The following SOX8 variants were observed in gnomAD, a reference collection of about 807,000 sequenced individuals.
The protein encoded by SOX8 is transcription factor SOX-8.
SOX8 carries 9 observed loss-of-function variants against 22.9 expected under a neutral mutation model. The observed-to-expected ratio is 0.39, with a 90% CI of 0.24 to 0.69. SOX8 has a LOEUF of 0.69. Ranked by LOEUF, SOX8 falls within the 30% of genes least tolerant of loss-of-function variation. The probability of loss-of-function intolerance (pLI) is 0.43; values close to 1 mark genes in which losing one functional copy is unlikely to be tolerated. For missense variants in SOX8, 734 were observed against 699.4 expected (o/e 1.05, Z -0.56); for synonymous variants, 416 against 330.6 (o/e 1.26, Z -2.80).
chr16:984,001 G>A (rs2073432404), intron 2 of SOX8, 41 bp downstream of exon 2: 6 of 1,433,936 alleles, frequency 4.2e-6, no homozygotes, highest in Non-Finnish European at 5.6e-6. Context: ...GTCCCTGTAT[G>A]GGAGGCAGCT....
chr16:985,883 C>A lies in SOX8; in HGVS notation c.*497C>A. ...GTCCGCAGACTGGGATGAGTCTACT[C>A]GAGCATCTCCGGGACCTGCCTGTCA... On this transcript the variant is annotated 3_prime_UTR_variant, in exon 3 of 3. Transcript: ENST00000293894. 6.4e-6 allele frequency: 1 copy of A among 156,674 alleles called. No homozygotes were observed. Among genetic ancestry groups the A allele is most frequent in the Non-Finnish European group, 1.4e-5 (1 of 71,212 alleles). The allele number at this position is 156,674 out of a possible 1,614,324, so 9.7% of individuals were successfully genotyped here.
In SOX8 at chr16:984,807, C is replaced by T. The variant is rs758307992; in HGVS notation, c.762C>T (p.Ser254=). 4 of 1,611,820 alleles carry T rather than the reference C, an allele frequency of 2.5e-6. No homozygotes were observed. Among genetic ancestry groups the T allele is most frequent in the South Asian group, 1.1e-5 (1 of 90,998 alleles). Residue 254 remains serine (S), a synonymous_variant, in exon 3 of 3, where the codon AGC becomes AGT. Coordinates refer to ENST00000293894, the MANE Select transcript of SOX8 (RefSeq NM_014587.5). Reference sequence around the variant, plus strand: ...TGGAGGGACGCCGGCCGGTGGACAGCGGGCGCCAGAACATCGACTTCAGCA... The same window carrying T: ...TGGAGGGACGCCGGCCGGTGGACAGTGGGCGCCAGAACATCGACTTCAGCA... The part of the protein sequence containing the change: ...LKLEGRRPVD[S]GRQNIDFSNV...
At position 981,966 on chromosome 16, in the gene SOX8, C is replaced by A. The variant is rs2073392584; in HGVS notation, c.44C>A (p.Pro15Gln). The change falls in exon 1 of 3, where the codon CCG becomes CAG. Residue 15 changes from proline (P) to glutamine (Q), a missense_variant. Around this residue, in one of 3 missense-constraint regions of SOX8, gnomAD observed 139 missense variants for 109.1 expected, o/e 1.27. Transcript: ENST00000293894. The part of the protein sequence containing the change: ...SEARSQPPCS[P>Q]SGTASSMSHV... Reference sequence around the variant, plus strand: ...GCCCGCTCCCAGCCGCCCTGCAGCCCGTCCGGCACCGCCAGCTCCATGTCG... The same window carrying A: ...GCCCGCTCCCAGCCGCCCTGCAGCCAGTCCGGCACCGCCAGCTCCATGTCG... 1 of 1,439,272 alleles carries A rather than the reference C, an allele frequency of 6.9e-7. No individual in the cohort carries two copies. The highest frequency in any genetic ancestry group is 9.1e-7 in the Non-Finnish European group (1 of 1,095,488). The allele number at this position is 1,439,272 out of a possible 1,614,324, so 89.2% of individuals were successfully genotyped here.
chr16:985,297 C>A lies in SOX8; in HGVS notation c.1252C>A (p.Pro418Thr), dbSNP rs2073450012. Residue 418 changes from proline (P) to threonine (T), a missense_variant, in exon 3 of 3, where the codon CCC (proline) becomes ACC (threonine). Pro to Thr is a conservative substitution (Grantham distance 38). Transcript: ENST00000293894. Reference protein sequence around the residue: ...FHSPRRPYASPLLNGLALPPA... With the variant: ...FHSPRRPYASTLLNGLALPPA... The stretch of plus-strand genomic sequence containing the variant: ...CTCGCCGCGCCGGCCCTACGCCTCA[C>A]CCCTGCTCAACGGCCTGGCCCTGCC... 6.2e-7 allele frequency: 1 copy of A among 1,610,004 alleles called. No individual in the cohort carries two copies. Among genetic ancestry groups the A allele is most frequent in the Non-Finnish European group, 8.5e-7 (1 of 1,179,498 alleles).
Position 985,143 on chromosome 16 carries a change from CGCCACCCCG to C in SOX8, c.1102_1110del (p.Thr368_Ala370del), listed in dbSNP as rs748255933. The C allele has an allele frequency of 1.9e-6, 3 of 1,601,366 alleles. No individual in the cohort carries two copies. Among genetic ancestry groups the C allele is most frequent in the South Asian group, 2.2e-5 (2 of 90,114 alleles). ...ACGGTTCCTGCAGCGGCCAGTCCAG[CGCCACCCCG>C]GCCGCCCCCGCCGGCCCCTTCGCCG... On this transcript the variant is annotated inframe_deletion, in exon 3 of 3. Coordinates refer to ENST00000293894, the MANE Select transcript of SOX8 (RefSeq NM_014587.5).
intron 1 of SOX8, chr16:983,467 A>G (rs1330075507): frequency 1.6e-5 from 6 of 367,448 alleles, no homozygotes; most frequent in Non-Finnish European, 2.4e-5. Flanking sequence ...GGGGAAATAG[A>G]AGGAGGAAGA....
Position 985,166 on chromosome 16 carries a change from G to T in SOX8, c.1121G>T (p.Gly374Val). Residue 374 changes from glycine to valine, a missense_variant, in exon 3 of 3, where the codon GGC becomes GTC. Gly to Val is a moderately radical substitution (Grantham distance 109, BLOSUM62 -3). Transcript: ENST00000293894. ...QSSATPAAPA[G>V]PFAGSQGDYG... ...AGCGCCACCCCGGCCGCCCCCGCCGGCCCCTTCGCCGGCTCACAGGGCGAC... is the reference window on the plus strand; with the variant it reads ...AGCGCCACCCCGGCCGCCCCCGCCGTCCCCTTCGCCGGCTCACAGGGCGAC... The T allele has an allele frequency of 1.9e-6, 3 of 1,608,578 alleles. No homozygotes were observed. The highest frequency in any genetic ancestry group is 8.5e-7 in the Non-Finnish European group (1 of 1,178,098).
At chr16:984,066 G>A (rs989668061) in intron 2 of SOX8, 106 bp downstream of exon 2, 1 of 1,011,000 alleles carries the variant, frequency 9.9e-7, no homozygotes, top group Non-Finnish European at 1.4e-6. Flanking sequence ...AGGCGCCCTC[G>A]AGAGAACCGG....
chr16:984,527 C>T (rs1022086741), intron 2 of SOX8, among the ~76,000 whole-genome samples, 174 bp from the exon 3 acceptor site: 3 of 152,210 alleles, frequency 2.0e-5, no homozygotes, highest in Non-Finnish European at 2.9e-5. Context: ...TTTTCTCGGC[C>T]GAGGAGTGAG....
intron 2 of SOX8, among the ~76,000 whole-genome samples, chr16:984,261 C>G: frequency 6.6e-6 from 1 of 152,372 alleles, no homozygotes; most frequent in East Asian, 1.9e-4. Flanking sequence ...CACCGAGCTG[C>G]TGCCCACACG....
At chr16:984,645 C>G in intron 2 of SOX8, 56 bp from the exon 3 acceptor site, 5 of 1,214,390 alleles carry the variant, frequency 4.1e-6, no homozygotes, top group Non-Finnish European at 5.5e-6. Flanking sequence ...CCTGGCCGGC[C>G]CCACCCGCCC....
At position 984,597 on chromosome 16, in the gene SOX8, C is replaced by G. The variant is rs920704907; in HGVS notation, c.656-104C>G. On this transcript the variant is annotated intron_variant, in intron 2 of 2. Transcript: ENST00000293894. Reference sequence around the variant, plus strand: ...TGTAAAGAAACAAAAAGCCGTTGATCCCCCTGGCAGTTAGCGCGGGCGTCC... The same window carrying G: ...TGTAAAGAAACAAAAAGCCGTTGATGCCCCTGGCAGTTAGCGCGGGCGTCC... 29 of 646,878 alleles carry G rather than the reference C, an allele frequency of 4.5e-5. No homozygotes were observed. The African/African-American group carries it at 5.3e-4, about 12-fold the overall frequency. 40.1% of individuals were successfully genotyped at this position (646,878 alleles called of 1,614,324 possible). A position where few individuals can be genotyped will look rare whatever the true frequency, so the allele number is the denominator to read the frequency against.
intron 1 of SOX8, chr16:982,709 G>A (rs937434526): frequency 4.6e-6 from 1 of 215,382 alleles, no homozygotes; most frequent in South Asian, 1.8e-4. Flanking sequence ...AGGCACGCCC[G>A]GCACGACAGC....
chr16:984,105 C>T, intron 2 of SOX8, 145 bp downstream of exon 2: 1 of 746,110 alleles, frequency 1.3e-6, no homozygotes, highest in Non-Finnish European at 2.0e-6. Flanking sequence ...GAAAAAGCTC[C>T]CAAGGCCCCG....
chr16:986,876 GGACGCACCCTCACT>G lies in SOX8; in HGVS notation c.*1491_*1504del, dbSNP rs2151523571. 1 of 152,410 alleles carries G rather than the reference GGACGCACCCTCACT, an allele frequency of 6.6e-6. No homozygotes were observed. Among genetic ancestry groups the G allele is most frequent in the Admixed American group, 6.5e-5 (1 of 15,312 alleles). 9.4% of individuals were successfully genotyped at this position (152,410 alleles called of 1,614,324 possible). On this transcript the variant is annotated 3_prime_UTR_variant, in exon 3 of 3. Coordinates refer to ENST00000293894, the MANE Select transcript of SOX8 (RefSeq NM_014587.5). ...CGTCTCCCTTGGCACCGCGTTCGGA[GGACGCACCCTCACT>G]CCCCTGCTGCCTTCACTCCTTTCTG...
Position 985,472 on chromosome 16 carries a change from C to T in SOX8, c.*86C>T. 1 of 1,147,934 alleles carries T rather than the reference C, an allele frequency of 8.7e-7. No homozygotes were observed. The highest frequency in any genetic ancestry group is 1.2e-6 in the Non-Finnish European group (1 of 842,980). The allele number at this position is 1,147,934 out of a possible 1,614,324, so 71.1% of individuals were successfully genotyped here. On this transcript the variant is annotated 3_prime_UTR_variant, in exon 3 of 3. Coordinates refer to ENST00000293894, the MANE Select transcript of SOX8 (RefSeq NM_014587.5). ...TGTGTGACCAGGGCGGGAGGGGCCC[C>T]AGTGGCTGAGCTCCAAGTGCCTGCT...
chr16:985,647 C>G lies in SOX8; in HGVS notation c.*261C>G. The G allele has an allele frequency of 6.3e-6, 3 of 474,728 alleles. No individual in the cohort carries two copies. Among genetic ancestry groups the G allele is most frequent in the Non-Finnish European group, 1.1e-5 (3 of 269,690 alleles). 29.4% of individuals were successfully genotyped at this position (474,728 alleles called of 1,614,324 possible). On this transcript the variant is annotated 3_prime_UTR_variant, in exon 3 of 3. Coordinates refer to ENST00000293894, the MANE Select transcript of SOX8 (RefSeq NM_014587.5). ...ACAAAGAAGGGCTGCCGTTTGGTCC[C>G]TCTTCCGTGAGGACTGGCGGCACCA...
At chr16:982,488 G>C in intron 1 of SOX8, 144 bp downstream of exon 1, 8 of 932,624 alleles carry the variant, frequency 8.6e-6, no homozygotes, top group Non-Finnish European at 1.1e-5. Context: ...GCGGGTGTCA[G>C]GGCGGGTCCC....
At position 983,966 on chromosome 16, in the gene SOX8, C is replaced by T. The variant is rs2073432125; in HGVS notation, c.655+6C>T. 6.7e-7 allele frequency: 1 copy of T among 1,501,870 alleles called. No individual in the cohort carries two copies. The highest frequency in any genetic ancestry group is 1.3e-5 in the South Asian group (1 of 77,774). The allele number at this position is 1,501,870 out of a possible 1,614,324, so 93.0% of individuals were successfully genotyped here. A position where few individuals can be genotyped will look rare whatever the true frequency, so the allele number is the denominator to read the frequency against. ...CCACCATGGCGACCACACAGGTGGG[C>T]TCCAGGCCCCCCGCATATCTGAGGG... On this transcript the variant is annotated splice_donor_region_variant and intron_variant, in intron 2 of 2. Coordinates refer to ENST00000293894, the MANE Select transcript of SOX8 (RefSeq NM_014587.5).
Sources: allele counts gnomAD v4.1 joint callset (sites outside exome capture counted in the v4.1 genomes callset), GRCh38; gene constraint gnomAD v4.1.1; regional missense constraint gnomAD v4.1.1; transcripts MANE v1.5; gene names NCBI Gene and HGNC (gene_info 2026-07-23, HGNC 2026-07-21).